The following TNS1 variants were observed in gnomAD, a reference collection of about 807,000 sequenced individuals.
The protein encoded by TNS1 is tensin-1.
Under a neutral mutation model 168.6 loss-of-function variants are expected in TNS1, and 62 were observed. The ratio of observed to expected loss-of-function variants is 0.37; its 90% CI spans 0.30 to 0.45. The LOEUF is 0.45. TNS1 is among the 20% of genes least tolerant of loss of function. TNS1 has a pLI of 1.00. For synonymous variants in TNS1, 934 were observed against 933.2 expected (o/e 1.00, Z -0.02); for missense variants, 2,240 against 2,339.4 (o/e 0.96, Z 0.88).
intron 18 of TNS1, among the ~76,000 whole-genome samples, chr2:217,875,949 C>T (rs528014166): frequency 1.1e-4 from 16 of 152,318 alleles, no homozygotes; most frequent in African/African-American, 3.4e-4. Flanking sequence ...GTGGGGTGGA[C>T]ACCAGCCCCT....
At chr2:217,907,095 A>C in intron 5 of TNS1, 115 bp downstream of exon 5, 2 of 655,750 alleles carry the variant, frequency 3.0e-6, no homozygotes, top group Non-Finnish European at 5.6e-6. Context: ...TCTACTCCGG[A>C]AGCATTTCCC....
In TNS1 at chr2:217,813,505, C is replaced by T. The variant is rs550146886; in HGVS notation, c.4861+180G>A. ...CCCTCAGGAAACACATGGCAGGCAC[C>T]CAATCGTCCTGCTTTCCCAATCTCT... is the stretch of plus-strand genomic sequence containing the variant. On this transcript the variant is annotated intron_variant, in intron 26 of 32. Coordinates refer to ENST00000682258, the MANE Select transcript of TNS1 (RefSeq NM_001387777.1). The surrounding 1 kb of genome is among the most constrained non-coding windows in gnomAD (Gnocchi z 4.0). Among the ~76,000 whole-genome samples, 1 of 152,282 alleles carries T rather than the reference C, an allele frequency of 6.6e-6. No individual in the cohort carries two copies. The highest frequency in any genetic ancestry group is 6.5e-5 in the Admixed American group (1 of 15,296).
intron 23 of TNS1, among the ~76,000 whole-genome samples, chr2:217,821,103 T>G (rs1189514779): frequency 1.3e-5 from 2 of 152,198 alleles, no homozygotes; most frequent in Non-Finnish European, 2.9e-5. Context: ...CCAGAAATAA[T>G]GGCCCCTTGT....
chr2:217,896,717 C>T (rs1009274247), intron 8 of TNS1, among the ~76,000 whole-genome samples: 1 of 152,140 alleles, frequency 6.6e-6, no homozygotes, highest in African/African-American at 2.4e-5. Flanking sequence ...ACCCCTCCAC[C>T]CCGCCATGGA....
At chr2:217,868,725 A>G (rs1182462205) in intron 18 of TNS1, among the ~76,000 whole-genome samples, 2 of 152,246 alleles carry the variant, frequency 1.3e-5, no homozygotes, top group Admixed American at 6.5e-5. Flanking sequence ...CAAGGTCAAC[A>G]AAAGGCAAGA....
chr2:218,010,215 G>A (rs1453063916), exon 1 of TNS1: 2 of 398,894 alleles, frequency 5.0e-6, no homozygotes, highest in Non-Finnish European at 4.4e-6. Context: ...GAGAGTGGGC[G>A]CCTGGGGCGC....
chr2:217,822,267 G>T (rs535320585), intron 22 of TNS1, among the ~76,000 whole-genome samples: 2 of 152,276 alleles, frequency 1.3e-5, no homozygotes, highest in South Asian at 4.2e-4. Flanking sequence ...CAATGATCTT[G>T]CTCAGCACCC....
intron 3 of TNS1, among the ~76,000 whole-genome samples, chr2:217,922,190 C>G (rs1450102633): frequency 5.3e-5 from 8 of 152,202 alleles, no homozygotes; most frequent in Non-Finnish European, 8.8e-5. Context: ...GTCCCCAGAG[C>G]TGGCTGTGGC....
intron 1 of TNS1, among the ~76,000 whole-genome samples, chr2:217,997,247 T>A (rs1437075652): frequency 1.3e-5 from 2 of 152,140 alleles, no homozygotes; most frequent in Admixed American, 1.3e-4. Context: ...TCTCCTATGA[T>A]CACACTCAGA....
chr2:217,977,809 A>G (rs1222735468), intron 3 of TNS1, among the ~76,000 whole-genome samples: 1 of 152,240 alleles, frequency 6.6e-6, no homozygotes, highest in Admixed American at 6.5e-5. Context: ...TTCTGGAAGC[A>G]TCTTCTCCTT....
chr2:217,968,107 A>G (rs747386588), intron 3 of TNS1, among the ~76,000 whole-genome samples: 2 of 152,240 alleles, frequency 1.3e-5, no homozygotes, highest in Non-Finnish European at 2.9e-5. Context: ...CATGATTTCA[A>G]AAACATTCAA....
At chr2:218,023,400 G>A (rs1012825890) in intron 1 of TNS1, among the ~76,000 whole-genome samples, 3 of 152,214 alleles carry the variant, frequency 2.0e-5, no homozygotes, top group African/African-American at 4.8e-5. Context: ...TGAGCATCAT[G>A]TAAGACTCTT....
rs1268572757 is a variant in TNS1, at chr2:217,884,585, G to A, written c.1246+450C>T. Among the ~76,000 whole-genome samples the A allele has an allele frequency of 2.6e-5, 4 of 152,084 alleles. No homozygotes were observed. The East Asian group carries it at 7.7e-4, about 29-fold the overall frequency. On this transcript the variant is annotated intron_variant, in intron 16 of 32. Transcript: ENST00000682258. ...CAGGGTAATTATCCCCTGCTAGTCT[G>A]CCTCCCAACTCAACAAGATTTTTGA...
intron 3 of TNS1, among the ~76,000 whole-genome samples, chr2:217,963,413 C>T (rs1022623136): frequency 5.3e-5 from 8 of 152,106 alleles, no homozygotes; most frequent in Admixed American, 1.3e-4. Flanking sequence ...GCACCGGGAG[C>T]GTAAAAGCAC....
chr2:217,879,719 A>C (rs2125639210), intron 18 of TNS1, among the ~76,000 whole-genome samples: 1 of 152,316 alleles, frequency 6.6e-6, no homozygotes. Context: ...GAAAGGCCCA[A>C]AGATTTTCAG....
intron 6 of TNS1, among the ~76,000 whole-genome samples, chr2:217,905,994 T>C (rs1559336472): frequency 6.6e-6 from 1 of 152,228 alleles, no homozygotes; most frequent in Non-Finnish European, 1.5e-5. Flanking sequence ...TCAGGGCTCC[T>C]TCTCTGCCTC....
intron 16 of TNS1, 32 bp from the exon 17 acceptor site, chr2:217,882,443 C>A: frequency 6.9e-7 from 1 of 1,451,132 alleles, no homozygotes; most frequent in South Asian, 1.2e-5. Context: ...TAAAAATAGG[C>A]AAAAAGTCCC....
At chr2:218,005,896 T>A (rs552622939), upstream of TNS1, among the ~76,000 whole-genome samples, 73 of 152,274 alleles carry the variant, frequency 4.8e-4, no homozygotes, top group African/African-American at 1.7e-3. Context: ...AATGCCCCAT[T>A]CCCAAGCTCT....
chr2:217,828,341 G>A (rs918167579), intron 22 of TNS1, among the ~76,000 whole-genome samples: 1 of 152,230 alleles, frequency 6.6e-6, no homozygotes, highest in African/African-American at 2.4e-5. Context: ...GGTGACAGCA[G>A]ATTTAGAGGA....
Sources: gnomAD v4.1 joint callset for allele counts (sites outside exome capture counted in the v4.1 genomes callset) on GRCh38, gnomAD v4.1.1 for gene constraint, Gnocchi (gnomAD v3.1) non-coding constraint, MANE v1.5 for transcripts, NCBI Gene and HGNC (gene_info 2026-07-23, HGNC 2026-07-21) for gene names.